Variants in STARD13 observed in about 807,000 individuals in gnomAD.
The protein encoded by STARD13 is StAR related lipid transfer domain containing 13.
A neutral mutation model predicts 106.4 loss-of-function variants in STARD13; 62 were observed. That is an observed-to-expected ratio of 0.58 (90% confidence interval 0.48 to 0.72). The LOEUF is 0.72. Ranked by LOEUF, STARD13 falls within the 30% of genes least tolerant of loss-of-function variation. The pLI is 0.00. For missense variants in STARD13, 1,387 were observed against 1,424.0 expected, an observed-to-expected ratio of 0.97 and a Z score of 0.42; for synonymous variants, 565 against 553.0, an observed-to-expected ratio of 1.02 and a Z score of -0.31.
At chr13:33,305,615 G>A (rs1357004729) in intron 1 of STARD13, among the ~76,000 whole-genome samples, 1 of 152,168 alleles carries the variant, frequency 6.6e-6, no homozygotes, top group Non-Finnish European at 1.5e-5. Flanking sequence ...ACATATTAAA[G>A]CACAGGGTTC....
At position 33,105,393 on chromosome 13, in the gene STARD13, T is replaced by C; in HGVS notation, c.*200A>G. 3.6e-6 allele frequency: 2 copies of C among 551,228 alleles called. No homozygotes were observed. The highest frequency in any genetic ancestry group is 1.9e-5 in the African/African-American group (1 of 53,594). 34.1% of individuals were successfully genotyped at this position (551,228 alleles called of 1,614,324 possible). On this transcript the variant is annotated 3_prime_UTR_variant, in exon 14 of 14. Transcript: ENST00000336934. ...CATTTTAAAATTATATTAGTAGGGA[T>C]GTAGCCATCTCCAGGAAGGCTAAGA...
intron 1 of STARD13, among the ~76,000 whole-genome samples, chr13:33,213,142 C>A (rs1667748243): frequency 6.6e-6 from 1 of 152,124 alleles, no homozygotes; most frequent in Non-Finnish European, 1.5e-5. Context: ...CAGCTGGGTA[C>A]ATAAAATTCC....
intron 3 of STARD13, among the ~76,000 whole-genome samples, chr13:33,161,718 A>T (rs1188576701): frequency 6.6e-6 from 1 of 152,158 alleles, no homozygotes; most frequent in African/African-American, 2.4e-5. Context: ...TTATATATAT[A>T]TGTATTAGTC....
chr13:33,217,592 C>T (rs940678980), intron 1 of STARD13, among the ~76,000 whole-genome samples: 101 of 152,304 alleles, frequency 6.6e-4, no homozygotes, highest in African/African-American at 2.3e-3. Flanking sequence ...GCCTGGCCTT[C>T]TCCACTTAGC....
chr13:33,664,638 A>G, the STARD13 span, among the ~76,000 whole-genome samples: 8 of 152,142 alleles, frequency 5.3e-5, no homozygotes, highest in South Asian at 8.3e-4. Flanking sequence ...TGACTCTTTT[A>G]TTTATTGAGA....
At chr13:33,387,357 G>A in the STARD13 span, among the ~76,000 whole-genome samples, 2 of 152,096 alleles carry the variant, frequency 1.3e-5, no homozygotes, top group South Asian at 2.1e-4. Flanking sequence ...ACTGACTAAA[G>A]TGGTTGTGCT....
intron 1 of STARD13, among the ~76,000 whole-genome samples, chr13:33,294,382 C>G (rs1892410553): frequency 6.6e-6 from 1 of 152,192 alleles, no homozygotes; most frequent in African/African-American, 2.4e-5. Flanking sequence ...GATATGATGG[C>G]AGAATCTTCT....
At position 33,129,846 on chromosome 13, in the gene STARD13, C is replaced by T. The variant is rs1005542032; in HGVS notation, c.831G>A (p.Gly277=). ...TCACCAGGCCACCTGTCCGCCCAGACCCCTTATGCCTCCCGTGGGCTCCCT... is the reference window on the plus strand; with the variant it reads ...TCACCAGGCCACCTGTCCGCCCAGATCCCTTATGCCTCCCGTGGGCTCCCT... ...RGKGAHGRHK[G]SGRTGGLVIS... is the part of the protein sequence containing the mutation. Residue 277 remains glycine (G), a synonymous_variant, in exon 5 of 14, where the codon GGG becomes GGA. Transcript: ENST00000336934. The T allele has an allele frequency of 5.0e-6, 8 of 1,613,018 alleles. No individual in the cohort carries two copies. In the South Asian group the frequency reaches 5.5e-5, roughly 11 times the overall value.
At chr13:33,256,771 A>T (rs1419732967) in intron 1 of STARD13, among the ~76,000 whole-genome samples, 1 of 152,198 alleles carries the variant, frequency 6.6e-6, no homozygotes, top group Non-Finnish European at 1.5e-5. Context: ...ATTGCTGCTA[A>T]CCCCATCTGT....
At chr13:33,521,948 A>C in the STARD13 span, among the ~76,000 whole-genome samples, 6 of 152,272 alleles carry the variant, frequency 3.9e-5, no homozygotes, top group South Asian at 1.2e-3. Flanking sequence ...GCAATAGACA[A>C]TGAGTTATAG....
chr13:33,655,142 G>A, the STARD13 span, among the ~76,000 whole-genome samples: 1 of 152,178 alleles, frequency 6.6e-6, no homozygotes, highest in African/African-American at 2.4e-5. Flanking sequence ...AATCCCTAAT[G>A]TCTTTCTAAA....
intron 1 of STARD13, among the ~76,000 whole-genome samples, chr13:33,317,972 C>A (rs781671644): frequency 6.6e-6 from 1 of 152,132 alleles, no homozygotes; most frequent in Non-Finnish European, 1.5e-5. Flanking sequence ...CAAGGTCACG[C>A]AGTTAGTAAG....
At chr13:33,665,177 G>A in the STARD13 span, among the ~76,000 whole-genome samples, 2 of 152,152 alleles carry the variant, frequency 1.3e-5, no homozygotes, top group African/African-American at 4.8e-5. Context: ...GGAAGTTCTT[G>A]ATCATGTTTT....
chr13:33,279,221 T>A (rs1243729380), intron 1 of STARD13, among the ~76,000 whole-genome samples: 4 of 152,202 alleles, frequency 2.6e-5, no homozygotes, highest in Admixed American at 2.6e-4. Context: ...AACCCACTTA[T>A]CATTTGTTCT....
At chr13:33,421,679 C>T in the STARD13 span, among the ~76,000 whole-genome samples, 8 of 152,120 alleles carry the variant, frequency 5.3e-5, no homozygotes, top group East Asian at 1.9e-4. Context: ...TGATGAACAT[C>T]GATGCGAAAA....
At chr13:33,425,181 T>C in the STARD13 span, among the ~76,000 whole-genome samples, 3 of 152,248 alleles carry the variant, frequency 2.0e-5, no homozygotes, top group Non-Finnish European at 4.4e-5. Flanking sequence ...TCATGGTGCC[T>C]TCTTTCACAA....
intron 1 of STARD13, among the ~76,000 whole-genome samples, chr13:33,247,898 T>G (rs1461274287): frequency 6.6e-6 from 1 of 152,142 alleles, no homozygotes; most frequent in South Asian, 2.1e-4. Flanking sequence ...AATGGCCAGG[T>G]GATTCTGACG....
chr13:33,174,061 C>A (rs1319835661), intron 1 of STARD13, among the ~76,000 whole-genome samples: 4 of 152,070 alleles, frequency 2.6e-5, no homozygotes, highest in Non-Finnish European at 5.9e-5. Flanking sequence ...TCACTTAATT[C>A]CTATTAGAGT....
the STARD13 span, among the ~76,000 whole-genome samples, chr13:33,506,851 C>T: frequency 1.3e-5 from 2 of 152,158 alleles, 1 homozygote; most frequent in Non-Finnish European, 2.9e-5. Context: ...GTGGCTCTCA[C>T]CTGTAATTCT....
Sources: allele counts gnomAD v4.1 joint callset (sites outside exome capture counted in the v4.1 genomes callset), GRCh38; gene constraint gnomAD v4.1.1; transcripts MANE v1.5; gene names NCBI Gene and HGNC (gene_info 2026-07-23, HGNC 2026-07-21).